Variants in MOV10 observed in about 807,000 individuals in gnomAD.
MOV10 encodes the protein RNA helicase MOV-10.
MOV10 carries 39 observed loss-of-function variants against 108.4 expected under a neutral mutation model. The observed-to-expected ratio is 0.36, with a 90% confidence interval of 0.28 to 0.47. The LOEUF (loss-of-function observed/expected upper bound fraction) is 0.47, where lower values mean the gene tolerates loss of function less well. Ranked by LOEUF, MOV10 falls within the 20% of genes least tolerant of loss-of-function variation. The probability of loss-of-function intolerance (pLI) is 1.00; values close to 1 mark genes in which losing one functional copy is unlikely to be tolerated. For missense variants in MOV10, 952 were observed against 1,297.6 expected, an observed-to-expected ratio of 0.73 and a Z score of 4.09; for synonymous variants, 490 against 523.1, an observed-to-expected ratio of 0.94 and a Z score of 0.86.
chr1:112,686,953 TC>T, intron 2 of MOV10: 1 of 456,524 alleles, frequency 2.2e-6, no homozygotes, highest in Non-Finnish European at 4.4e-6. Flanking sequence ...CTAACTGGTC[TC>T]CCTGCCTACA....
Position 112,694,965 on chromosome 1 carries a change from T to G in MOV10, c.1620+69T>G. ...CAGCACCAAGCAGTTGTCCCCAGAT[T>G]CTAGTTCCTTCCCACTCCCGAAATG... On this transcript the variant is annotated intron_variant, in intron 10 of 20. Coordinates refer to ENST00000369645, the MANE Select transcript of MOV10 (RefSeq NM_001321324.2). This position sits in a 1 kb window ranked among gnomAD's most constrained non-coding sequence, Gnocchi z 4.1. 1 of 1,514,760 alleles carries G rather than the reference T, an allele frequency of 6.6e-7. No individual in the cohort carries two copies. The highest frequency in any genetic ancestry group is 8.9e-7 in the Non-Finnish European group (1 of 1,121,392). 93.8% of individuals were successfully genotyped at this position (1,514,760 alleles called of 1,614,324 possible).
In MOV10 at chr1:112,689,447, A is replaced by T. The variant is rs1673374373; in HGVS notation, c.374A>T (p.Asp125Val). Residue 125 changes from aspartate (D) to valine (V), a missense_variant, in exon 4 of 21, where the codon GAT becomes GTT. Physicochemically the swap from Asp to Val is radical, Grantham distance 152. Coordinates refer to ENST00000369645, the MANE Select transcript of MOV10 (RefSeq NM_001321324.2). ...AEYLHGKHGV[D>V]VEVQGPHEAR... ...TATCTTCATGGGAAACATGGTGTGG[A>T]TGTGGAAGTCCAGGGGCCCCATGAA... is the stretch of plus-strand genomic sequence containing the variant. 1 of 1,363,562 alleles carries T rather than the reference A, an allele frequency of 7.3e-7. No homozygotes were observed. The highest frequency in any genetic ancestry group is 1.1e-5 in the South Asian group (1 of 87,920). The allele number at this position is 1,363,562 out of a possible 1,614,324, so 84.5% of individuals were successfully genotyped here.
At chr1:112,690,148 A>G (rs1673455500) in intron 5 of MOV10, 50 bp downstream of exon 5, 1 of 1,595,932 alleles carries the variant, frequency 6.3e-7, no homozygotes, top group South Asian at 1.1e-5. Context: ...TCTCAACCAC[A>G]TGGGCCAGGG....
At chr1:112,699,427 T>A in intron 17 of MOV10, 1 of 1,316,474 alleles carries the variant, frequency 7.6e-7, no homozygotes, top group Non-Finnish European at 9.8e-7. Context: ...TGAGTTCCCG[T>A]GTTCTTTGCA....
intron 2 of MOV10, among the ~76,000 whole-genome samples, chr1:112,682,572 G>A (rs1345694308): frequency 6.6e-6 from 1 of 152,152 alleles, no homozygotes; most frequent in Non-Finnish European, 1.5e-5. Context: ...GTGTGCAAAC[G>A]CCTGTTGAGG....
At chr1:112,688,757 C>T (rs142296103) in intron 2 of MOV10, 178 bp from the exon 3 acceptor site, 2 of 1,443,592 alleles carry the variant, frequency 1.4e-6, no homozygotes, top group East Asian at 2.5e-5. Context: ...TCCCTGAAAA[C>T]ATTAAACATT....
chr1:112,689,858 A>T lies in MOV10; in HGVS notation c.596A>T (p.His199Leu), dbSNP rs768468337. The T allele has an allele frequency of 6.2e-7, 1 of 1,614,080 alleles. No homozygotes were observed. The highest frequency in any genetic ancestry group is 8.5e-7 in the Non-Finnish European group (1 of 1,180,004). Residue 199 changes from histidine to leucine, a missense_variant, in exon 5 of 21, where the codon CAT (histidine) becomes CTT (leucine). Physicochemically the swap from His to Leu is moderately conservative, Grantham distance 99. Transcript: ENST00000369645. ...CCTCCAGGTGAATGCTATGAACTCCATGTCCATTGTAAGACCAGCTTTGTG... is the reference window on the plus strand; with the variant it reads ...CCTCCAGGTGAATGCTATGAACTCCTTGTCCATTGTAAGACCAGCTTTGTG... ...PLGPGECYEL[H>L]VHCKTSFVGY...
intron 14 of MOV10, 138 bp downstream of exon 14, chr1:112,696,984 G>C: frequency 2.6e-6 from 2 of 768,368 alleles, no homozygotes; most frequent in East Asian, 5.4e-5. Context: ...CTGGAAGGCA[G>C]GAGGTTTTTC....
intron 2 of MOV10, among the ~76,000 whole-genome samples, chr1:112,680,712 T>C (rs1389122269): frequency 1.4e-5 from 2 of 147,516 alleles, no homozygotes; most frequent in African/African-American, 2.5e-5. Flanking sequence ...TATCTCTTTT[T>C]TTTTTTTTTT....
At position 112,698,267 on chromosome 1, in the gene MOV10, T is replaced by C. The variant is rs1374491973; in HGVS notation, c.2317-20T>C. 4 of 1,607,690 alleles carry C rather than the reference T, an allele frequency of 2.5e-6. No individual in the cohort carries two copies. The highest frequency in any genetic ancestry group is 3.4e-6 in the Non-Finnish European group (4 of 1,175,658). ...AGGGAGGGTGGTCTGGCTGACGGTT[T>C]CCCCCGACCCCATGTCCAGGGCTTT... On this transcript the variant is annotated intron_variant, in intron 15 of 20. Transcript: ENST00000369645.
At chr1:112,681,900 G>GTT (rs751683438) in intron 2 of MOV10, among the ~76,000 whole-genome samples, 8 of 139,430 alleles carry the variant, frequency 5.7e-5, no homozygotes, top group South Asian at 2.3e-4. Flanking sequence ...TTGTTTATGG[G>GTT]TTTTTTTTTT....
intron 14 of MOV10, 189 bp from the exon 15 acceptor site, chr1:112,697,805 C>T (rs1202357566): frequency 4.7e-6 from 3 of 636,000 alleles, no homozygotes; most frequent in Non-Finnish European, 8.5e-6. Flanking sequence ...CTCTCTGGAA[C>T]TATATTTGGT....
rs376733786 is a variant in MOV10, at chr1:112,698,066, C to T, written c.2271C>T (p.Val757=). ...YEGELQACAD[V]VDRERFCRWA... Reference sequence around the variant, plus strand: ...GGGAGCTGCAGGCCTGTGCTGATGTCGTGGATCGAGAACGCTTCTGCCGCT... The same window carrying T: ...GGGAGCTGCAGGCCTGTGCTGATGTTGTGGATCGAGAACGCTTCTGCCGCT... Residue 757 remains valine, a synonymous_variant, in exon 15 of 21, where the codon GTC becomes GTT. Transcript: ENST00000369645. 81 of 1,614,082 alleles carry T rather than the reference C, an allele frequency of 5.0e-5. No individual in the cohort carries two copies. Among genetic ancestry groups the T allele is most frequent in the Admixed American group, 1.3e-4 (8 of 60,008 alleles).
rs941882357 is a variant in MOV10, at chr1:112,689,874, C to G, written c.612C>G (p.Thr204=). Reference sequence around the variant, plus strand: ...ATGAACTCCATGTCCATTGTAAGACCAGCTTTGTGGGCTACTTCCCAGCCA... The same window carrying G: ...ATGAACTCCATGTCCATTGTAAGACGAGCTTTGTGGGCTACTTCCCAGCCA... ...ECYELHVHCK[T]SFVGYFPATV... Residue 204 remains threonine (T), a synonymous_variant, in exon 5 of 21, where the codon ACC becomes ACG. Coordinates refer to ENST00000369645, the MANE Select transcript of MOV10 (RefSeq NM_001321324.2). 3 of 1,614,178 alleles carry G rather than the reference C, an allele frequency of 1.9e-6. No individual in the cohort carries two copies. The highest frequency in any genetic ancestry group is 1.7e-5 in the Admixed American group (1 of 60,022).
intron 3 of MOV10, 32 bp from the exon 4 acceptor site, chr1:112,689,383 C>A: frequency 8.7e-7 from 1 of 1,145,430 alleles, no homozygotes; most frequent in Non-Finnish European, 1.3e-6. Flanking sequence ...CCGCTCCCAC[C>A]CCAACCCCCC....
At position 112,696,217 on chromosome 1, in the gene MOV10, CG is replaced by C; in HGVS notation, c.1852del (p.Val618SerfsTer2). ...FPAKKKLQEY[R>X]VLITTLITAG... is the part of the protein sequence containing the mutation. ...CGCCAAGAAGAAGCTGCAGGAATAC[CG>C]GGTCTTAATTACCACCCTCATCACT... On this transcript the variant is annotated frameshift_variant, in exon 12 of 21. Coordinates refer to ENST00000369645, the MANE Select transcript of MOV10 (RefSeq NM_001321324.2). LOFTEE classifies it high-confidence loss of function. 1 of 1,613,740 alleles carries C rather than the reference CG, an allele frequency of 6.2e-7. No homozygotes were observed. The highest frequency in any genetic ancestry group is 8.5e-7 in the Non-Finnish European group (1 of 1,179,804).
At chr1:112,677,168 A>G (rs1437780903) in intron 2 of MOV10, among the ~76,000 whole-genome samples, 1 of 152,206 alleles carries the variant, frequency 6.6e-6, no homozygotes, top group Non-Finnish European at 1.5e-5. Flanking sequence ...AAGGCCTTCT[A>G]TGTGGGTTCA....
In MOV10 at chr1:112,675,102, G is replaced by T; in HGVS notation, c.137+53G>T. 1 of 1,563,338 alleles carries T rather than the reference G, an allele frequency of 6.4e-7. No homozygotes were observed. Among genetic ancestry groups the T allele is most frequent in the South Asian group, 1.2e-5 (1 of 86,136 alleles). Reference sequence around the variant, plus strand: ...AATCGCGGGCCCAGCTTGCTGCCACGACCCCCGCGCGAGGGCCACCTTTCC... The same window carrying T: ...AATCGCGGGCCCAGCTTGCTGCCACTACCCCCGCGCGAGGGCCACCTTTCC... On this transcript the variant is annotated intron_variant, in intron 2 of 20. Coordinates refer to ENST00000369645, the MANE Select transcript of MOV10 (RefSeq NM_001321324.2). The surrounding 1 kb of genome is among the most constrained non-coding windows in gnomAD (Gnocchi z 4.7).
chr1:112,688,758 AT>A (rs2101341074), intron 2 of MOV10, 176 bp from the exon 3 acceptor site: 2 of 1,444,142 alleles, frequency 1.4e-6, no homozygotes, highest in East Asian at 5.0e-5. Flanking sequence ...CCCTGAAAAC[AT>A]TAAACATTCC....
Sources: gnomAD v4.1 joint callset for allele counts (sites outside exome capture counted in the v4.1 genomes callset) on GRCh38, gnomAD v4.1.1 for gene constraint, Gnocchi (gnomAD v3.1) non-coding constraint, MANE v1.5 for transcripts, NCBI Gene and HGNC (gene_info 2026-07-23, HGNC 2026-07-21) for gene names.